TMEM232: variants seen among roughly 807,000 people sequenced by gnomAD.
The protein encoded by TMEM232 is transmembrane protein 232.
Under a neutral mutation model 78.8 loss-of-function variants are expected in TMEM232, and 80 were observed. The ratio of observed to expected loss-of-function variants is 1.01; its 90% CI spans 0.85 to 1.22. TMEM232 has a LOEUF of 1.22. Ranked by LOEUF, TMEM232 falls within the 50% of genes most tolerant of loss-of-function variation. The probability of loss-of-function intolerance (pLI) is 0.00; values close to 1 mark genes in which losing one functional copy is unlikely to be tolerated. For missense variants in TMEM232, 881 were observed against 742.2 expected (o/e 1.19, Z -2.17); for synonymous variants, 297 against 254.3 (o/e 1.17, Z -1.60).
intron 1 of TMEM232, among the ~76,000 whole-genome samples, chr5:110,682,727 G>C (rs1792906675): frequency 6.6e-6 from 1 of 152,060 alleles, no homozygotes; most frequent in African/African-American, 2.4e-5. Context: ...TCAGCTTTGA[G>C]ATGATCTCTC....
chr5:110,713,161 A>G (rs1796670812), intron 1 of TMEM232, among the ~76,000 whole-genome samples: 1 of 152,064 alleles, frequency 6.6e-6, no homozygotes, highest in African/African-American at 2.4e-5. Context: ...AAAGACAAAC[A>G]TCACAGGTTT....
At chr5:110,646,512 A>G (rs1787496898) in intron 2 of TMEM232, among the ~76,000 whole-genome samples, 1 of 151,816 alleles carries the variant, frequency 6.6e-6, no homozygotes, top group Non-Finnish European at 1.5e-5. Flanking sequence ...AGAAGAACGT[A>G]ATTAGACCCT....
chr5:110,569,018 C>T (rs1024133806), intron 10 of TMEM232, among the ~76,000 whole-genome samples: 3 of 151,838 alleles, frequency 2.0e-5, no homozygotes, highest in Admixed American at 2.0e-4. Context: ...CAGAAAAATA[C>T]TTCCTGTTAT....
chr5:110,721,687 G>A (rs1451917894), intron 1 of TMEM232, among the ~76,000 whole-genome samples: 66 of 8,384 alleles, frequency 7.9e-3, no homozygotes, highest in Non-Finnish European at 0.015. Flanking sequence ...ATATATATCT[G>A]TGTGTGTTAG....
chr5:110,704,802 C>T (rs946251456), intron 1 of TMEM232, among the ~76,000 whole-genome samples: 1 of 152,046 alleles, frequency 6.6e-6, no homozygotes, highest in African/African-American at 2.4e-5. Context: ...GTTTTTAATA[C>T]TTTGCAAGTA....
chr5:110,601,033 A>G (rs75831768), intron 10 of TMEM232, among the ~76,000 whole-genome samples: 1 of 152,204 alleles, frequency 6.6e-6, no homozygotes, highest in Non-Finnish European at 1.5e-5. Flanking sequence ...AATCCATCAT[A>G]TGAACAGAAC....
At chr5:110,637,026 A>G (rs1482763135) in intron 5 of TMEM232, among the ~76,000 whole-genome samples, 1 of 151,762 alleles carries the variant, frequency 6.6e-6, no homozygotes, top group African/African-American at 2.4e-5. Flanking sequence ...GAAAGGAGAT[A>G]AAAGCCAGAC....
At chr5:110,389,648 C>A (rs1028030938) in intron 4 of TMEM232, among the ~76,000 whole-genome samples, 1 of 152,188 alleles carries the variant, frequency 6.6e-6, no homozygotes, top group East Asian at 1.9e-4. Context: ...ACTTATTGCA[C>A]GACCTTGCAT....
At chr5:110,702,728 G>C (rs1171399276) in intron 1 of TMEM232, among the ~76,000 whole-genome samples, 1 of 152,030 alleles carries the variant, frequency 6.6e-6, no homozygotes. Context: ...CCTAAGGGAT[G>C]GATTTGGGAA....
chr5:110,674,661 T>G (rs1791796561), intron 1 of TMEM232, among the ~76,000 whole-genome samples: 1 of 152,202 alleles, frequency 6.6e-6, no homozygotes, highest in South Asian at 2.1e-4. Context: ...TTTATATTGC[T>G]AAGACTAAAA....
chr5:110,654,844 T>C lies in TMEM232; in HGVS notation c.125+12384A>G, dbSNP rs529301389. Among the ~76,000 whole-genome samples, 40 of 152,322 alleles carry C rather than the reference T, an allele frequency of 2.6e-4. No individual in the cohort carries two copies. In the South Asian group the frequency reaches 6.8e-3, roughly 26 times the overall value. On this transcript the variant is annotated intron_variant, in intron 2 of 13. Transcript: ENST00000455884. Reference sequence around the variant, plus strand: ...TTCATTGAGCAGCGGTTTGTAGTTCTCCTTGAAGAGGCCCTTCACGTCCCT... The same window carrying C: ...TTCATTGAGCAGCGGTTTGTAGTTCCCCTTGAAGAGGCCCTTCACGTCCCT...
chr5:110,476,511 T>G lies in TMEM232; in HGVS notation c.1704-51595A>C, dbSNP rs138050957. Among the ~76,000 whole-genome samples the G allele has an allele frequency of 6.4e-3, 976 of 152,150 alleles. 18 individuals are homozygous for G. Among genetic ancestry groups the G allele is most frequent in the African/African-American group, 0.022 (903 of 41,540 alleles). On this transcript the variant is annotated intron_variant, in intron 12 of 13. Transcript: ENST00000455884. ...TCAGTATCCCATACTGATTTTGTTA[T>G]GGTATCCCTAGCCAACTAATGTATG...
At chr5:110,527,802 T>G (rs939766337) in intron 12 of TMEM232, among the ~76,000 whole-genome samples, 1 of 151,990 alleles carries the variant, frequency 6.6e-6, no homozygotes. Flanking sequence ...GCTGACTTTA[T>G]AGTAAATGTA....
intron 11 of TMEM232, among the ~76,000 whole-genome samples, chr5:110,547,895 G>A (rs570805507): frequency 6.6e-6 from 1 of 150,482 alleles, no homozygotes; most frequent in East Asian, 2.0e-4. Context: ...CTACTCAGGA[G>A]TCTGAGGCAG....
At chr5:110,675,485 C>A (rs911001759) in intron 1 of TMEM232, among the ~76,000 whole-genome samples, 5 of 151,970 alleles carry the variant, frequency 3.3e-5, no homozygotes, top group African/African-American at 9.7e-5. Context: ...ACGACAAAGA[C>A]GAAATTAAAA....
intron 1 of TMEM232, among the ~76,000 whole-genome samples, chr5:110,683,041 T>A (rs1213952993): frequency 6.6e-6 from 1 of 152,174 alleles, no homozygotes; most frequent in Admixed American, 6.5e-5. Flanking sequence ...TTATCTCATC[T>A]ACAAATAGGG....
At chr5:110,401,033 G>T (rs1402725299) in intron 2 of TMEM232, among the ~76,000 whole-genome samples, 2 of 151,812 alleles carry the variant, frequency 1.3e-5, no homozygotes, top group Non-Finnish European at 2.9e-5. Flanking sequence ...TAGTATCTTT[G>T]TACCTTGCAT....
intron 12 of TMEM232, among the ~76,000 whole-genome samples, chr5:110,471,366 A>T (rs1313268507): frequency 6.6e-6 from 1 of 152,140 alleles, no homozygotes; most frequent in Non-Finnish European, 1.5e-5. Context: ...AAAACTTCCC[A>T]AGTGTTTGAA....
At chr5:110,417,118 A>G (rs114735872), downstream of TMEM232, among the ~76,000 whole-genome samples, 52 of 152,340 alleles carry the variant, frequency 3.4e-4, no homozygotes, top group African/African-American at 1.2e-3. Flanking sequence ...CCCATAATAA[A>G]TAAATGTAGG....
Sources: allele counts gnomAD v4.1 joint callset (sites outside exome capture counted in the v4.1 genomes callset), GRCh38; gene constraint gnomAD v4.1.1; transcripts MANE v1.5; gene names NCBI Gene and HGNC (gene_info 2026-07-23, HGNC 2026-07-21).